ATP13A5: variants seen among roughly 807,000 people sequenced by gnomAD.
ATP13A5 encodes probable cation-transporting ATPase 13A5.
Under a neutral mutation model 150.2 loss-of-function variants are expected in ATP13A5, and 149 were observed. The observed-to-expected ratio is 0.99, with a 90% CI of 0.87 to 1.14. The LOEUF (loss-of-function observed/expected upper bound fraction) is 1.14. ATP13A5 is among the 50% of genes most tolerant of loss of function. ATP13A5 has a pLI of 0.00. For missense variants in ATP13A5, 1,383 were observed against 1,449.3 expected, an observed-to-expected ratio of 0.95 and a Z score of 0.74; for synonymous variants, 497 against 522.2, an observed-to-expected ratio of 0.95 and a Z score of 0.66.
chr3:193,322,696 C>A (rs1487551448), intron 14 of ATP13A5, 122 bp from the exon 15 acceptor site: 32 of 700,178 alleles, frequency 4.6e-5, no homozygotes, highest in Non-Finnish European at 7.6e-5. Context: ...CTCTTCCAGG[C>A]CAATTATCTT....
intron 19 of ATP13A5, 162 bp downstream of exon 19, chr3:193,313,871 G>T: frequency 1.3e-6 from 1 of 794,178 alleles, no homozygotes; most frequent in Non-Finnish European, 1.9e-6. Context: ...GATTTTCCTA[G>T]GCAACCAGAG....
intron 25 of ATP13A5, among the ~76,000 whole-genome samples, chr3:193,290,906 T>C (rs1400683466): frequency 6.6e-6 from 1 of 152,120 alleles, no homozygotes; most frequent in Admixed American, 6.6e-5. Context: ...AAGACTGATA[T>C]TGTAGTCATG....
chr3:193,284,005 C>A (rs569986777), intron 27 of ATP13A5, among the ~76,000 whole-genome samples: 2 of 72,998 alleles, frequency 2.7e-5, no homozygotes, highest in Non-Finnish European at 5.4e-5. Flanking sequence ...CTTTGGCCTG[C>A]GGATTATTAT....
At chr3:193,284,449 A>G (rs1717634243) in intron 27 of ATP13A5, among the ~76,000 whole-genome samples, 1 of 152,166 alleles carries the variant, frequency 6.6e-6, no homozygotes, top group East Asian at 1.9e-4. Context: ...CTTTACATAA[A>G]TTGTGCTAGG....
intron 1 of ATP13A5, among the ~76,000 whole-genome samples, chr3:193,375,549 C>T (rs1370708742): frequency 6.6e-6 from 1 of 151,982 alleles, no homozygotes; most frequent in Non-Finnish European, 1.5e-5. Context: ...AGAAAAGGAA[C>T]CTATTAGAGC....
intron 12 of ATP13A5, among the ~76,000 whole-genome samples, chr3:193,329,593 G>C (rs1203323150): frequency 6.6e-6 from 1 of 152,196 alleles, no homozygotes; most frequent in South Asian, 2.1e-4. Flanking sequence ...ACTTCCAAGG[G>C]GGTGTTATTT....
Position 193,296,026 on chromosome 3 carries a change from G to A in ATP13A5, c.2848+3105C>T, listed in dbSNP as rs1322093739. 3.3e-5 allele frequency among the ~76,000 whole-genome samples: 5 copies of A among 152,070 alleles called. No homozygotes were observed. In the East Asian group the frequency reaches 5.8e-4, roughly 18 times the overall value. Reference sequence around the variant, plus strand: ...GCAGAGGGAAAGGGCAGGCAGCAGCGAGAGCAAGCTATTTACTGTCTGGTA... The same window carrying A: ...GCAGAGGGAAAGGGCAGGCAGCAGCAAGAGCAAGCTATTTACTGTCTGGTA... On this transcript the variant is annotated intron_variant, in intron 25 of 29. Coordinates refer to ENST00000342358, the MANE Select transcript of ATP13A5 (RefSeq NM_198505.4).
intron 25 of ATP13A5, among the ~76,000 whole-genome samples, chr3:193,296,701 T>C (rs1379956531): frequency 6.6e-6 from 1 of 152,134 alleles, no homozygotes; most frequent in Non-Finnish European, 1.5e-5. Context: ...AATTTTAAAA[T>C]AGTTTCTTCT....
chr3:193,280,870 G>A (rs573147457), intron 27 of ATP13A5, among the ~76,000 whole-genome samples: 1 of 152,100 alleles, frequency 6.6e-6, no homozygotes, highest in Non-Finnish European at 1.5e-5. Flanking sequence ...TTTATTCAGT[G>A]TTGATCTACT....
intron 27 of ATP13A5, among the ~76,000 whole-genome samples, chr3:193,283,852 A>G (rs1030218865): frequency 6.6e-6 from 1 of 150,652 alleles, no homozygotes; most frequent in Non-Finnish European, 1.5e-5. Context: ...CATCTTTATC[A>G]TGCAATATCT....
In ATP13A5 at chr3:193,364,185, C is replaced by T. The variant is rs756301223; in HGVS notation, c.159G>A (p.Trp53Ter). ...TGGCCCACACTCTCCACTGGGGTCT[C>T]CAGTAGAACACCAGCAGAAGGCCCC... is the stretch of plus-strand genomic sequence containing the variant. ...TCGGLLLVFY[W>*]RPQWRVWANC... The change falls in exon 2 of 30, where the codon TGG becomes TGA. Residue 53 changes from tryptophan to a stop codon, truncating the protein, a stop_gained. Transcript: ENST00000342358. LOFTEE classifies it high-confidence loss of function. 6 of 1,614,106 alleles carry T rather than the reference C, an allele frequency of 3.7e-6. No homozygotes were observed. Among genetic ancestry groups the T allele is most frequent in the Non-Finnish European group, 4.2e-6 (5 of 1,179,988 alleles).
intron 26 of ATP13A5, among the ~76,000 whole-genome samples, chr3:193,287,364 G>T (rs190579494): frequency 2.0e-5 from 3 of 152,116 alleles, no homozygotes; most frequent in Admixed American, 2.0e-4. Flanking sequence ...TGGATTCAAG[G>T]CTCCAAAGGA....
intron 5 of ATP13A5, among the ~76,000 whole-genome samples, chr3:193,360,390 G>A (rs191246825): frequency 1.4e-4 from 22 of 152,220 alleles, no homozygotes; most frequent in East Asian, 1.4e-3. Context: ...GTGTATCCCC[G>A]TTCATTTCTC....
intron 23 of ATP13A5, among the ~76,000 whole-genome samples, chr3:193,303,988 C>T (rs1001303382): frequency 4.6e-5 from 7 of 151,936 alleles, no homozygotes; most frequent in Non-Finnish European, 8.8e-5. Flanking sequence ...TTTCCAAGCA[C>T]ACTTGTAAAG....
intron 6 of ATP13A5, among the ~76,000 whole-genome samples, chr3:193,351,415 AGAG>A (rs10598972): frequency 0.54 from 82,000 of 151,692 alleles, 22,369 homozygotes; most frequent in African/African-American, 0.61. Context: ...TTATGCATTC[AGAG>A]CCATGCCCAC....
intron 24 of ATP13A5, 105 bp from the exon 25 acceptor site, chr3:193,299,308 T>C: frequency 1.3e-6 from 1 of 794,110 alleles, no homozygotes; most frequent in Non-Finnish European, 2.0e-6. Context: ...TGTTACTTTT[T>C]TTTCCCTCTT....
chr3:193,300,408 T>G (rs930502674), intron 24 of ATP13A5, among the ~76,000 whole-genome samples: 5 of 152,138 alleles, frequency 3.3e-5, no homozygotes, highest in African/African-American at 1.2e-4. Context: ...TGACTCCCAG[T>G]CCAGTTCTTG....
Position 193,345,082 on chromosome 3 carries a change from A to C in ATP13A5, c.742-7T>G, listed in dbSNP as rs541901118. 3.3e-4 allele frequency: 529 copies of C among 1,612,118 alleles called. 8 individuals carry two copies. The South Asian group carries it at 5.4e-3, about 16-fold the overall frequency. On this transcript the variant is annotated splice_polypyrimidine_tract_variant and splice_region_variant and intron_variant, in intron 7 of 29. Coordinates refer to ENST00000342358, the MANE Select transcript of ATP13A5 (RefSeq NM_198505.4). ...TATGCAGCTTAACTGATTGCTACCA[A>C]GTAAAAGTTAACATTTAAACATTAG... is the stretch of plus-strand genomic sequence containing the variant.
chr3:193,366,094 C>A (rs1191498392), intron 1 of ATP13A5, among the ~76,000 whole-genome samples: 4 of 151,906 alleles, frequency 2.6e-5, no homozygotes, highest in Admixed American at 2.0e-4. Flanking sequence ...ACTGGAAAAA[C>A]CAAATGATAG....
Sources: allele counts gnomAD v4.1 joint callset (sites outside exome capture counted in the v4.1 genomes callset), GRCh38; gene constraint gnomAD v4.1.1; transcripts MANE v1.5; gene names NCBI Gene and HGNC (gene_info 2026-07-23, HGNC 2026-07-21).